The following SERPINB7 variants were observed in gnomAD, a reference collection of about 807,000 sequenced individuals.
SERPINB7 encodes the protein serpin family B member 7.
In SERPINB7, 31 loss-of-function variants were observed where a neutral mutation model predicts 37.4. The ratio of observed to expected loss-of-function variants is 0.83; its 90% CI spans 0.62 to 1.12. The LOEUF (loss-of-function observed/expected upper bound fraction) is 1.12, where lower values mean the gene tolerates loss of function less well. Ranked by LOEUF, SERPINB7 falls within the 50% of genes most tolerant of loss-of-function variation. SERPINB7 has a pLI of 0.00. For missense variants in SERPINB7, 521 were observed against 455.3 expected (o/e 1.14, Z -1.31); for synonymous variants, 163 against 166.1 (o/e 0.98, Z 0.14).
intron 1 of SERPINB7, among the ~76,000 whole-genome samples, chr18:63,753,306 A>C (rs915655246): frequency 6.6e-6 from 1 of 152,306 alleles, no homozygotes; most frequent in South Asian, 2.1e-4. Context: ...AACCACAGCC[A>C]ATCTCTGTTC....
chr18:63,760,208 G>A (rs2049145420), intron 1 of SERPINB7, among the ~76,000 whole-genome samples: 1 of 152,182 alleles, frequency 6.6e-6, no homozygotes, highest in African/African-American at 2.4e-5. Flanking sequence ...AACTTGTTGG[G>A]AACTGGAGCA....
intron 1 of SERPINB7, among the ~76,000 whole-genome samples, chr18:63,755,147 A>T (rs905580884): frequency 6.7e-6 from 1 of 149,526 alleles, no homozygotes; most frequent in Non-Finnish European, 1.5e-5. Context: ...CTCATGATCC[A>T]CCCGCCTCGG....
intron 1 of SERPINB7, among the ~76,000 whole-genome samples, chr18:63,756,387 G>A (rs1026856985): frequency 6.6e-5 from 10 of 152,302 alleles, no homozygotes; most frequent in Admixed American, 4.6e-4. Flanking sequence ...ATATCACAGA[G>A]TAACTTGTCT....
At chr18:63,787,266 G>A (rs1172832357) in intron 2 of SERPINB7, among the ~76,000 whole-genome samples, 1 of 152,074 alleles carries the variant, frequency 6.6e-6, no homozygotes, top group African/African-American at 2.4e-5. Flanking sequence ...TGTGTCTTTA[G>A]TCATGGTAGT....
upstream of SERPINB7, among the ~76,000 whole-genome samples, chr18:63,770,446 G>A (rs1055103808): frequency 6.6e-6 from 1 of 151,852 alleles, no homozygotes; most frequent in East Asian, 1.9e-4. Context: ...GTTGTAATTA[G>A]CAGGAAAGAA....
intron 6 of SERPINB7, among the ~76,000 whole-genome samples, 186 bp downstream of exon 6, chr18:63,798,932 A>G (rs1349121470): frequency 1.3e-5 from 2 of 152,364 alleles, no homozygotes; most frequent in East Asian, 3.9e-4. Flanking sequence ...CATGCAGGCT[A>G]TGAAACACCA....
chr18:63,794,835 C>T (rs2049470500), intron 4 of SERPINB7, among the ~76,000 whole-genome samples: 1 of 152,178 alleles, frequency 6.6e-6, no homozygotes, highest in South Asian at 2.1e-4. Flanking sequence ...ACAAAGCTTG[C>T]ATTAGAGAGC....
rs761359349 is a variant in SERPINB7, at chr18:63,805,341, CTATT to C, written c.*710_*713del. On this transcript the variant is annotated 3_prime_UTR_variant, in exon 8 of 8. Coordinates refer to ENST00000398019, the MANE Select transcript of SERPINB7 (RefSeq NM_003784.4). The stretch of plus-strand genomic sequence containing the variant: ...GCTGTGTAGTTTATAAGTTTTTTCT[CTATT>C]TATCAGAATAAAGAAATACAACATA... The C allele has an allele frequency of 2.6e-5, 4 of 152,222 alleles. No individual in the cohort carries two copies. The highest frequency in any genetic ancestry group is 6.5e-5 in the Admixed American group (1 of 15,274). 9.4% of individuals were successfully genotyped at this position (152,222 alleles called of 1,614,324 possible).
At chr18:63,782,177 T>G (rs1467164579) in intron 1 of SERPINB7, among the ~76,000 whole-genome samples, 178 bp from the exon 2 acceptor site, 2 of 152,116 alleles carry the variant, frequency 1.3e-5, no homozygotes, top group Non-Finnish European at 2.9e-5. Flanking sequence ...TTTTAGGGTA[T>G]TAGTGACAAG....
At chr18:63,801,375 A>G (rs550273171) in intron 7 of SERPINB7, among the ~76,000 whole-genome samples, 116 of 152,322 alleles carry the variant, frequency 7.6e-4, no homozygotes, top group African/African-American at 2.7e-3. Context: ...TTAGGCAGGT[A>G]TGATATGATA....
At chr18:63,782,574 C>A in intron 2 of SERPINB7, 34 bp downstream of exon 2, 1 of 1,548,666 alleles carries the variant, frequency 6.5e-7, no homozygotes, top group African/African-American at 1.4e-5. Flanking sequence ...ATCACTGGGA[C>A]AAATTGTTTT....
At chr18:63,759,649 A>G (rs1220128413) in intron 1 of SERPINB7, among the ~76,000 whole-genome samples, 1 of 152,090 alleles carries the variant, frequency 6.6e-6, no homozygotes, top group East Asian at 1.9e-4. Flanking sequence ...CCAAATTCTC[A>G]TCTTGAATTG....
intron 1 of SERPINB7, among the ~76,000 whole-genome samples, chr18:63,780,366 A>G (rs1165541409): frequency 1.3e-5 from 2 of 152,120 alleles, no homozygotes; most frequent in Admixed American, 1.3e-4. Flanking sequence ...GTTAATTTTG[A>G]TCTTATTTTT....
intron 4 of SERPINB7, among the ~76,000 whole-genome samples, chr18:63,793,723 A>G (rs2049454142): frequency 6.6e-6 from 1 of 151,608 alleles, no homozygotes; most frequent in Admixed American, 6.6e-5. Flanking sequence ...TTGGTCTTGA[A>G]CCCCTGGGCT....
intron 5 of SERPINB7, among the ~76,000 whole-genome samples, chr18:63,796,822 T>C (rs2049493698): frequency 6.6e-6 from 1 of 152,200 alleles, no homozygotes; most frequent in East Asian, 1.9e-4. Context: ...AATCAACCTA[T>C]TTTTTAAAGA....
At chr18:63,761,531 C>T (rs112676679) in intron 1 of SERPINB7, among the ~76,000 whole-genome samples, 5,398 of 152,132 alleles carry the variant, frequency 0.035, 159 homozygotes, top group African/African-American at 0.075. Flanking sequence ...TTGGAGGGGC[C>T]AGGGACTAAA....
In SERPINB7 at chr18:63,782,343, A is replaced by G. The variant is rs769337741; in HGVS notation, c.-18-12A>G. On this transcript the variant is annotated splice_polypyrimidine_tract_variant and intron_variant, in intron 1 of 7. Transcript: ENST00000398019. Reference sequence around the variant, plus strand: ...TACCGGGAACTAATTTCATTTTCTCATTGTCCTCTAGGCTGCACTCCATTT... The same window carrying G: ...TACCGGGAACTAATTTCATTTTCTCGTTGTCCTCTAGGCTGCACTCCATTT... The G allele has an allele frequency of 7.0e-7, 1 of 1,435,614 alleles. No individual in the cohort carries two copies. The allele number at this position is 1,435,614 out of a possible 1,614,324, so 88.9% of individuals were successfully genotyped here.
intron 2 of SERPINB7, among the ~76,000 whole-genome samples, chr18:63,788,797 G>C (rs1431746244): frequency 6.6e-6 from 1 of 152,106 alleles, no homozygotes; most frequent in African/African-American, 2.4e-5. Context: ...ATTTACCATT[G>C]TGTTACAACT....
chr18:63,786,530 G>A (rs1008546086), intron 2 of SERPINB7, among the ~76,000 whole-genome samples: 10 of 151,746 alleles, frequency 6.6e-5, no homozygotes, highest in African/African-American at 2.2e-4. Context: ...AATATATTAC[G>A]TATTCTACCA....
Sources: gnomAD v4.1 joint callset for allele counts (sites outside exome capture counted in the v4.1 genomes callset) on GRCh38, gnomAD v4.1.1 for gene constraint, MANE v1.5 for transcripts, NCBI Gene and HGNC (gene_info 2026-07-23, HGNC 2026-07-21) for gene names.